The following CREB5 variants were observed in gnomAD, a reference collection of about 807,000 sequenced individuals.
CREB5 encodes the protein cAMP responsive element binding protein 5.
Under a neutral mutation model 57.1 loss-of-function variants are expected in CREB5, and 19 were observed. The observed-to-expected ratio is 0.33, with a 90% CI of 0.23 to 0.49. CREB5 has a LOEUF of 0.49. Among genes scored for constraint, CREB5 ranks in the 20% least tolerant of loss-of-function variants. The pLI is 0.99. For synonymous variants in CREB5, 238 were observed against 238.3 expected (o/e 1.00, Z 0.01); for missense variants, 579 against 671.6 (o/e 0.86, Z 1.52).
chr7:28,380,333 G>A (rs907240160), intron 1 of CREB5, among the ~76,000 whole-genome samples: 4 of 152,116 alleles, frequency 2.6e-5, no homozygotes, highest in South Asian at 2.1e-4. Flanking sequence ...GCTATCCTTC[G>A]TGGAGGCTGC....
Position 28,431,043 on chromosome 7 carries a change from GGCTTTCCATAGGGGA to G in CREB5, c.3+18131_3+18145del, listed in dbSNP as rs1788689910. On this transcript the variant is annotated intron_variant, in intron 1 of 10. Transcript: ENST00000357727. Reference sequence around the variant, plus strand: ...GAGACATTAGTTCCTTACTACTGGGGGCTTTCCATAGGGGAGCTTACAGTATGACAGCTGGCTTCC... The same window carrying G: ...GAGACATTAGTTCCTTACTACTGGGGGCTTACAGTATGACAGCTGGCTTCC... Among the ~76,000 whole-genome samples, 4 of 152,234 alleles carry G rather than the reference GGCTTTCCATAGGGGA, an allele frequency of 2.6e-5. No individual in the cohort carries two copies. In the South Asian group the frequency reaches 6.2e-4, roughly 24 times the overall value.
At chr7:28,307,046 T>G (rs1487423858) in intron 1 of CREB5, among the ~76,000 whole-genome samples, 1 of 152,204 alleles carries the variant, frequency 6.6e-6, no homozygotes, top group East Asian at 1.9e-4. Flanking sequence ...CTTTAAACTT[T>G]ATTGGCTGCT....
chr7:28,418,262 A>G (rs989282189), intron 1 of CREB5, among the ~76,000 whole-genome samples: 1 of 152,228 alleles, frequency 6.6e-6, no homozygotes, highest in Non-Finnish European at 1.5e-5. Context: ...TATTAGAAGA[A>G]TCAATGTTTT....
intron 1 of CREB5, among the ~76,000 whole-genome samples, chr7:28,449,913 G>A (rs1351305475): frequency 6.6e-6 from 1 of 152,052 alleles, no homozygotes; most frequent in African/African-American, 2.4e-5. Flanking sequence ...TTACTTCACA[G>A]TGAAATAGTC....
intron 7 of CREB5, among the ~76,000 whole-genome samples, chr7:28,737,580 TATATATA>T (rs1804098890): frequency 5.7e-3 from 197 of 34,378 alleles, no homozygotes; most frequent in African/African-American, 6.7e-3. Flanking sequence ...TATATATATA[TATATATA>T]TTTTTAACTC....
At chr7:28,457,400 C>A (rs1308287395) in intron 1 of CREB5, among the ~76,000 whole-genome samples, 1 of 152,132 alleles carries the variant, frequency 6.6e-6, no homozygotes, top group Non-Finnish European at 1.5e-5. Flanking sequence ...GAGGGATGAG[C>A]TCCTCCCCCA....
At chr7:28,580,429 C>CCA (rs70977058) in intron 5 of CREB5, among the ~76,000 whole-genome samples, 13,467 of 130,822 alleles carry the variant, frequency 0.1, 959 homozygotes, top group African/African-American at 0.2. Context: ...TCCCCCCCCA[C>CCA]CACACACACA....
At chr7:28,516,874 C>A (rs887888329) in intron 4 of CREB5, among the ~76,000 whole-genome samples, 2 of 152,206 alleles carry the variant, frequency 1.3e-5, no homozygotes, top group African/African-American at 4.8e-5. Flanking sequence ...CCGAATGAAT[C>A]CATTTCCAGC....
intron 1 of CREB5, among the ~76,000 whole-genome samples, chr7:28,453,924 C>T (rs757582556): frequency 1.5e-5 from 2 of 136,294 alleles, no homozygotes; most frequent in African/African-American, 3.6e-5. Context: ...CTGGTCCAAA[C>T]AAATTCCTAA....
At chr7:28,680,877 T>G (rs1188952159) in intron 5 of CREB5, among the ~76,000 whole-genome samples, 1 of 152,206 alleles carries the variant, frequency 6.6e-6, no homozygotes, top group Non-Finnish European at 1.5e-5. Flanking sequence ...ATCACCTTTC[T>G]TTGGACATGA....
intron 1 of CREB5, among the ~76,000 whole-genome samples, chr7:28,418,942 G>A (rs559201640): frequency 6.6e-6 from 1 of 152,122 alleles, no homozygotes; most frequent in Non-Finnish European, 1.5e-5. Context: ...ATTCTTTCGG[G>A]TGCTTTCCCA....
At chr7:28,429,943 T>G (rs1279524813) in intron 1 of CREB5, among the ~76,000 whole-genome samples, 1 of 152,192 alleles carries the variant, frequency 6.6e-6, no homozygotes, top group Admixed American at 6.5e-5. Context: ...CAGGAAATGA[T>G]AATGAAAGAA....
chr7:28,411,775 G>A (rs73295178), upstream of CREB5, among the ~76,000 whole-genome samples: 7,531 of 152,204 alleles, frequency 0.049, 609 homozygotes, highest in African/African-American at 0.16. Context: ...CAAAGCGAAA[G>A]CCATGCTGTA....
chr7:28,799,834 A>T (rs139515638), intron 7 of CREB5, among the ~76,000 whole-genome samples: 2 of 152,354 alleles, frequency 1.3e-5, no homozygotes, highest in African/African-American at 4.8e-5. Flanking sequence ...ATCTGCCTAC[A>T]TGACTTCTGT....
At position 28,489,344 on chromosome 7, in the gene CREB5, G is replaced by T. The variant is rs113411516; in HGVS notation, c.75+1098G>T. ...AGACGGAGTCTCGCTCTGTCGCCCAGGCTGGAGTGCAGTGGTGCGATCTCT... is the reference window on the plus strand; with the variant it reads ...AGACGGAGTCTCGCTCTGTCGCCCATGCTGGAGTGCAGTGGTGCGATCTCT... On this transcript the variant is annotated intron_variant, in intron 2 of 10. Coordinates refer to ENST00000357727, the MANE Select transcript of CREB5 (RefSeq NM_182898.4). 4.8e-5 allele frequency among the ~76,000 whole-genome samples: 6 copies of T among 124,060 alleles called. 1 individual carries two copies. Among genetic ancestry groups the T allele is most frequent in the African/African-American group, 1.9e-4 (6 of 31,402 alleles). 81.4% of individuals were successfully genotyped at this position (124,060 alleles called of 152,430 possible).
intron 1 of CREB5, among the ~76,000 whole-genome samples, chr7:28,432,329 T>TA (rs1455430815): frequency 6.6e-6 from 1 of 152,190 alleles, no homozygotes; most frequent in African/African-American, 2.4e-5. Flanking sequence ...TCATTTGGCA[T>TA]AATCTGTGCA....
At chr7:28,552,056 T>C (rs1288245152) in intron 4 of CREB5, among the ~76,000 whole-genome samples, 6 of 150,664 alleles carry the variant, frequency 4.0e-5, no homozygotes, top group Admixed American at 1.3e-4. Flanking sequence ...TCTTCTCTCT[T>C]CTCTTTCTTT....
intron 1 of CREB5, among the ~76,000 whole-genome samples, chr7:28,364,994 T>C (rs759874928): frequency 1.3e-5 from 2 of 152,182 alleles, no homozygotes; most frequent in Non-Finnish European, 2.9e-5. Context: ...TTATTATTCT[T>C]GGTGACACCA....
chr7:28,714,811 A>G (rs1307084677), intron 5 of CREB5, among the ~76,000 whole-genome samples: 1 of 152,246 alleles, frequency 6.6e-6, no homozygotes, highest in African/African-American at 2.4e-5. Context: ...TGAACAATCC[A>G]ACATGAGCTC....
Sources: gnomAD v4.1 joint callset for allele counts (sites outside exome capture counted in the v4.1 genomes callset) on GRCh38, gnomAD v4.1.1 for gene constraint, MANE v1.5 for transcripts, NCBI Gene and HGNC (gene_info 2026-07-23, HGNC 2026-07-21) for gene names.